The following PDE3A variants were observed in gnomAD, a reference collection of about 807,000 sequenced individuals.
PDE3A encodes the protein cGMP-inhibited 3',5'-cyclic phosphodiesterase 3A.
PDE3A carries 43 observed loss-of-function variants against 98.3 expected under a neutral mutation model. That is an observed-to-expected ratio of 0.44 (90% CI 0.34 to 0.56). The LOEUF (loss-of-function observed/expected upper bound fraction) is 0.56, where lower values mean the gene tolerates loss of function less well. Ranked by LOEUF, PDE3A falls within the 20% of genes least tolerant of loss-of-function variation. The pLI, the probability that PDE3A is intolerant of heterozygous loss-of-function variation, is 0.01. For missense variants in PDE3A, 1,427 were observed against 1,440.7 expected (o/e 0.99, Z 0.15); for synonymous variants, 663 against 567.9 (o/e 1.17, Z -2.38).
chr12:20,385,959 T>C (rs1466682000), intron 1 of PDE3A, among the ~76,000 whole-genome samples: 1 of 115,360 alleles, frequency 8.7e-6, no homozygotes, highest in Non-Finnish European at 1.7e-5. Flanking sequence ...ATATTAATTA[T>C]TAATTATATT....
In PDE3A at chr12:20,687,914, G is replaced by GACAA. The variant is rs1946016104; in HGVS notation, c.*7644_*7645insCAAA. Reference sequence around the variant, plus strand: ...GACCAGTCATTACCTCTTCCCAACAGAAAAAAAAAAAAAAAAAAAAAAACT... The same window carrying GACAA: ...GACCAGTCATTACCTCTTCCCAACAGACAAAAAAAAAAAAAAAAAAAAAAAAACT... On this transcript the variant is annotated 3_prime_UTR_variant, in exon 16 of 16. Coordinates refer to ENST00000359062, the MANE Select transcript of PDE3A (RefSeq NM_000921.5). Among the ~76,000 whole-genome samples, 2 of 94,312 alleles carry GACAA rather than the reference G, an allele frequency of 2.1e-5. No individual in the cohort carries two copies. Among genetic ancestry groups the GACAA allele is most frequent in the African/African-American group, 4.3e-5 (1 of 23,402 alleles). The allele number at this position is 94,312 out of a possible 152,430, so 61.9% of individuals were successfully genotyped here.
chr12:20,561,018 TTTG>T (rs749472200), intron 2 of PDE3A, among the ~76,000 whole-genome samples: 2 of 137,864 alleles, frequency 1.5e-5, no homozygotes, highest in Non-Finnish European at 3.0e-5. Flanking sequence ...ATCCCGGCAC[TTTG>T]GGAGGCCGAG....
At chr12:20,665,764 G>A (rs1397569791) in intron 15 of PDE3A, among the ~76,000 whole-genome samples, 6 of 151,894 alleles carry the variant, frequency 4.0e-5, no homozygotes, top group Middle Eastern at 3.2e-3. Context: ...ATTCCAAGTA[G>A]GCATAGAGTG....
At chr12:20,377,766 C>T (rs1401051500) in intron 1 of PDE3A, among the ~76,000 whole-genome samples, 2 of 151,520 alleles carry the variant, frequency 1.3e-5, no homozygotes, top group Non-Finnish European at 1.5e-5. Flanking sequence ...GGAGATTTAG[C>T]AGAGTTCCTT....
At chr12:20,649,820 C>A (rs1005074970) in intron 13 of PDE3A, among the ~76,000 whole-genome samples, 1 of 151,774 alleles carries the variant, frequency 6.6e-6, no homozygotes, top group Non-Finnish European at 1.5e-5. Context: ...TACCTACTTG[C>A]GGGGGCTGAG....
intron 10 of PDE3A, among the ~76,000 whole-genome samples, chr12:20,645,904 A>G (rs1467137650): frequency 2.0e-5 from 3 of 152,194 alleles, no homozygotes; most frequent in Non-Finnish European, 4.4e-5. Flanking sequence ...TCTTAGAACT[A>G]TATTCTGAAA....
chr12:20,588,097 A>T (rs2121366154), intron 2 of PDE3A, among the ~76,000 whole-genome samples: 1 of 152,286 alleles, frequency 6.6e-6, no homozygotes, highest in African/African-American at 2.4e-5. Flanking sequence ...AGGGGAGAGC[A>T]AAATTGGAGG....
At chr12:20,559,767 G>A (rs2121280416) in intron 2 of PDE3A, among the ~76,000 whole-genome samples, 1 of 152,264 alleles carries the variant, frequency 6.6e-6, no homozygotes, top group South Asian at 2.1e-4. Flanking sequence ...TCTGAGAAGT[G>A]ATGATGTCTG....
At chr12:20,524,867 G>T (rs1001935303) in intron 1 of PDE3A, among the ~76,000 whole-genome samples, 2 of 152,070 alleles carry the variant, frequency 1.3e-5, no homozygotes, top group African/African-American at 4.8e-5. Flanking sequence ...GGGCTCGGTG[G>T]CTCACGCCTG....
intron 2 of PDE3A, among the ~76,000 whole-genome samples, chr12:20,610,175 T>G (rs561979223): frequency 6.6e-6 from 1 of 152,042 alleles, no homozygotes; most frequent in East Asian, 1.9e-4. Context: ...TATCCAAACT[T>G]TATAAATAAC....
intron 1 of PDE3A, among the ~76,000 whole-genome samples, chr12:20,384,546 A>G (rs892660539): frequency 1.3e-5 from 2 of 151,956 alleles, no homozygotes; most frequent in African/African-American, 4.8e-5. Context: ...TAATTTTAAA[A>G]TTCCAGAATA....
At chr12:20,650,208 C>T (rs192783710) in intron 13 of PDE3A, among the ~76,000 whole-genome samples, 1 of 151,762 alleles carries the variant, frequency 6.6e-6, no homozygotes, top group Non-Finnish European at 1.5e-5. Context: ...GACACACTCA[C>T]CCTGTCACCC....
At chr12:20,666,054 G>A (rs528561829) in intron 15 of PDE3A, among the ~76,000 whole-genome samples, 40 of 143,178 alleles carry the variant, frequency 2.8e-4, no homozygotes, top group African/African-American at 6.5e-4. Context: ...AGCTCACTCC[G>A]TCTCCTGGGT....
At chr12:20,498,320 C>G (rs1945960942) in intron 1 of PDE3A, among the ~76,000 whole-genome samples, 1 of 152,088 alleles carries the variant, frequency 6.6e-6, no homozygotes, top group South Asian at 2.1e-4. Context: ...AGTCAGCCTT[C>G]TGTATCCCTG....
intron 1 of PDE3A, among the ~76,000 whole-genome samples, chr12:20,422,076 A>G (rs58651917): frequency 0.04 from 6,165 of 152,240 alleles, 141 homozygotes; most frequent in African/African-American, 0.059. Context: ...GCCGGGCGCA[A>G]TGGCTCACGC....
chr12:20,533,101 A>G (rs935189810), intron 1 of PDE3A, among the ~76,000 whole-genome samples: 2 of 152,226 alleles, frequency 1.3e-5, no homozygotes, highest in South Asian at 2.1e-4. Flanking sequence ...AACTTCAACT[A>G]TACTACTTGA....
At chr12:20,554,399 T>G (rs565626477) in intron 1 of PDE3A, among the ~76,000 whole-genome samples, 17 of 127,712 alleles carry the variant, frequency 1.3e-4, no homozygotes, top group African/African-American at 4.4e-4. Flanking sequence ...AGATTTAGAT[T>G]TATTTAATTT....
rs938652248 is a variant in PDE3A, at chr12:20,687,343, A to C, written c.*7072A>C. On this transcript the variant is annotated 3_prime_UTR_variant, in exon 16 of 16. Transcript: ENST00000359062. The stretch of plus-strand genomic sequence containing the variant: ...ATAATTTAGTATTATAGTATTGCTA[A>C]CTTTAATAATTCTACCATATCTATA... Among the ~76,000 whole-genome samples, 1 of 152,062 alleles carries C rather than the reference A, an allele frequency of 6.6e-6. No homozygotes were observed. Among genetic ancestry groups the C allele is most frequent in the African/African-American group, 2.4e-5 (1 of 41,444 alleles).
intron 2 of PDE3A, among the ~76,000 whole-genome samples, chr12:20,611,263 CTATG>C (rs1464091352): frequency 1.3e-5 from 2 of 151,672 alleles, no homozygotes; most frequent in East Asian, 1.9e-4. Flanking sequence ...ATATGCATGA[CTATG>C]TATCCTAAAA....
Sources: allele counts gnomAD v4.1 joint callset (sites outside exome capture counted in the v4.1 genomes callset), GRCh38; gene constraint gnomAD v4.1.1; transcripts MANE v1.5; gene names NCBI Gene and HGNC (gene_info 2026-07-23, HGNC 2026-07-21).